The following TPCN1 variants were observed in gnomAD, a reference collection of about 807,000 sequenced individuals.
TPCN1 encodes the protein two pore segment channel 1.
In TPCN1, 52 loss-of-function variants were observed where a neutral mutation model predicts 108.8. The observed-to-expected ratio is 0.48, with a 90% confidence interval of 0.38 to 0.60. The LOEUF (loss-of-function observed/expected upper bound fraction) is 0.60, where lower values mean the gene tolerates loss of function less well. Ranked by LOEUF, TPCN1 falls within the 20% of genes least tolerant of loss-of-function variation. The pLI, the probability that TPCN1 is intolerant of heterozygous loss-of-function variation, is 0.00. For synonymous variants in TPCN1, 446 were observed against 433.7 expected (o/e 1.03, Z -0.35); for missense variants, 806 against 1,072.8 (o/e 0.75, Z 3.47).
chr12:113,278,639 T>C, intron 13 of TPCN1, 133 bp from the exon 14 acceptor site: 1 of 699,430 alleles, frequency 1.4e-6, no homozygotes, highest in Non-Finnish European at 2.5e-6. Context: ...TGTGTTGTCA[T>C]GTAGATCCCT....
Position 113,272,798 on chromosome 12 carries a change from C to T in TPCN1, c.783+106C>T, listed in dbSNP as rs911512559. 1 of 1,135,670 alleles carries T rather than the reference C, an allele frequency of 8.8e-7. No individual in the cohort carries two copies. The highest frequency in any genetic ancestry group is 1.3e-6 in the Non-Finnish European group (1 of 746,290). 70.3% of individuals were successfully genotyped at this position (1,135,670 alleles called of 1,614,324 possible). On this transcript the variant is annotated intron_variant, in intron 8 of 27. Coordinates refer to ENST00000335509, the MANE Select transcript of TPCN1 (RefSeq NM_017901.6). The surrounding 1 kb of genome is among the most constrained non-coding windows in gnomAD (Gnocchi z 4.1). ...GCCATATGGGGAAGGGGGGGCCTGC[C>T]TGGTTTCTCATCATAGCTTGTGTGT...
rs117555365 is a variant in TPCN1 at position 113,230,514 on chromosome 12, C to T, written c.112+3550C>T. 1.4e-4 allele frequency among the ~76,000 whole-genome samples: 22 copies of T among 152,182 alleles called. No individual in the cohort carries two copies. The East Asian group carries it at 3.5e-3, about 24-fold the overall frequency. On this transcript the variant is annotated intron_variant, in intron 2 of 27. Coordinates refer to ENST00000335509, the MANE Select transcript of TPCN1 (RefSeq NM_017901.6). Reference sequence around the variant, plus strand: ...TGGTTACCTTTTTGCTGTGTCCCCACGTGATTGTCCCTGAGTCTGTGTGTC... The same window carrying T: ...TGGTTACCTTTTTGCTGTGTCCCCATGTGATTGTCCCTGAGTCTGTGTGTC...
At chr12:113,251,757 A>C (rs1236654209) in intron 2 of TPCN1, among the ~76,000 whole-genome samples, 1 of 152,226 alleles carries the variant, frequency 6.6e-6, no homozygotes, top group Non-Finnish European at 1.5e-5. Flanking sequence ...ATCCTCTCCC[A>C]TTGTTCCAAG....
intron 10 of TPCN1, among the ~76,000 whole-genome samples, chr12:113,276,216 A>C (rs1384047770): frequency 6.6e-6 from 1 of 152,230 alleles, no homozygotes; most frequent in African/African-American, 2.4e-5. Flanking sequence ...ACAGGGAAAA[A>C]ATGGGGGACC....
At position 113,269,654 on chromosome 12, in the gene TPCN1, A is replaced by T; in HGVS notation, c.660-103A>T. On this transcript the variant is annotated intron_variant, in intron 6 of 27. Transcript: ENST00000335509. The surrounding 1 kb of genome is among the most constrained non-coding windows in gnomAD (Gnocchi z 5.0). Reference sequence around the variant, plus strand: ...GTCACACCAGAGTGCGTCAGGGTTTAGTATTTCGAGTCAGAAGCACTAGGC... The same window carrying T: ...GTCACACCAGAGTGCGTCAGGGTTTTGTATTTCGAGTCAGAAGCACTAGGC... 1.0e-6 allele frequency: 1 copy of T among 969,752 alleles called. No homozygotes were observed. Among genetic ancestry groups the T allele is most frequent in the Non-Finnish European group, 1.6e-6 (1 of 629,958 alleles). 60.1% of individuals were successfully genotyped at this position (969,752 alleles called of 1,614,324 possible).
chr12:113,287,938 C>T (rs1385716145), intron 19 of TPCN1, among the ~76,000 whole-genome samples: 3 of 152,076 alleles, frequency 2.0e-5, no homozygotes, highest in East Asian at 1.9e-4. Context: ...GTGGAAGGAC[C>T]CCGCCCAGCC....
In TPCN1 at chr12:113,289,208, G is replaced by A. The variant is rs566730642; in HGVS notation, c.1796+361G>A. 1.6e-4 allele frequency among the ~76,000 whole-genome samples: 24 copies of A among 152,330 alleles called. No individual in the cohort carries two copies. The highest frequency in any genetic ancestry group is 1.5e-3 in the South Asian group (7 of 4,826). ...AGACCAGTCTTCTAGGGACAGCATC[G>A]TAGGATAAGACAGACGGACACGTGC... On this transcript the variant is annotated intron_variant, in intron 21 of 27. Coordinates refer to ENST00000335509, the MANE Select transcript of TPCN1 (RefSeq NM_017901.6). The surrounding 1 kb of genome is among the most constrained non-coding windows in gnomAD (Gnocchi z 4.1).
At chr12:113,250,817 G>T (rs907684826) in intron 2 of TPCN1, among the ~76,000 whole-genome samples, 5 of 152,026 alleles carry the variant, frequency 3.3e-5, no homozygotes, top group African/African-American at 7.2e-5. Context: ...TTAGCCGGGT[G>T]TGTTGGTGCA....
intron 2 of TPCN1, among the ~76,000 whole-genome samples, chr12:113,251,587 G>T (rs974526189): frequency 1.3e-5 from 2 of 152,248 alleles, no homozygotes; most frequent in South Asian, 2.1e-4. Flanking sequence ...TGTCCCGTGG[G>T]GGGGCTCCAG....
rs1180677543 is a variant in TPCN1, at chr12:113,296,033, A to C, written c.2408A>C (p.Gln803Pro). Residue 803 changes from glutamine to proline, a missense_variant, in exon 28 of 28, where the codon CAG becomes CCG. By Grantham distance (76) the Gln-to-Pro change is moderately conservative. Transcript: ENST00000335509. ...AGCAGCAGTGCAGCCCCCGCCGCCC[A>C]GCAGCCCCCAGGCAGCCGCCAGCGC... ...QLSSSAAPAA[Q>P]QPPGSRQRSQ... 1 of 1,613,148 alleles carries C rather than the reference A, an allele frequency of 6.2e-7. No individual in the cohort carries two copies. The highest frequency in any genetic ancestry group is 1.3e-5 in the African/African-American group (1 of 74,920).
Position 113,260,462 on chromosome 12 carries a change from G to C in TPCN1, c.207G>C (p.Met69Ile), listed in dbSNP as rs544653674. 4.8e-5 allele frequency: 76 copies of C among 1,571,998 alleles called. No individual in the cohort carries two copies. The highest frequency in any genetic ancestry group is 6.3e-5 in the Non-Finnish European group (73 of 1,161,812). The stretch of plus-strand genomic sequence containing the variant: ...CCAGCCCCGCACACAACTGGGAGAT[G>C]AATTACCAAGAGGCAGCAATCTACC... ...SPSSPAHNWE[M>I]NYQEAAIYLQ... Residue 69 changes from methionine to isoleucine, a missense_variant, in exon 3 of 28, where the codon ATG (methionine) becomes ATC (isoleucine). Coordinates refer to ENST00000335509, the MANE Select transcript of TPCN1 (RefSeq NM_017901.6).
chr12:113,242,213 G>T (rs977100975), intron 2 of TPCN1, among the ~76,000 whole-genome samples: 2 of 152,236 alleles, frequency 1.3e-5, no homozygotes, highest in African/African-American at 4.8e-5. Flanking sequence ...TTTTGCCCAT[G>T]CAGAATGTTT....
At chr12:113,241,282 T>C (rs1270663269) in intron 2 of TPCN1, among the ~76,000 whole-genome samples, 10 of 152,234 alleles carry the variant, frequency 6.6e-5, no homozygotes, top group Non-Finnish European at 1.2e-4. Context: ...CAGCTGTCAC[T>C]TCCCCAATGT....
chr12:113,227,270 A>G (rs1953506796), intron 2 of TPCN1, among the ~76,000 whole-genome samples: 1 of 152,086 alleles, frequency 6.6e-6, no homozygotes, highest in South Asian at 2.1e-4. Flanking sequence ...ACCTCAGGCC[A>G]ACCTACTTTG....
intron 10 of TPCN1, among the ~76,000 whole-genome samples, 180 bp from the exon 11 acceptor site, chr12:113,276,739 C>T (rs995243848): frequency 1.3e-5 from 2 of 152,144 alleles, no homozygotes; most frequent in Non-Finnish European, 2.9e-5. Flanking sequence ...GGGCCTTCCT[C>T]TGTTGAGACT....
rs1364150147 is a variant in TPCN1 at position 113,293,148 on chromosome 12, A to G, written c.2253+75A>G. The G allele has an allele frequency of 6.9e-6, 11 of 1,599,796 alleles. No individual in the cohort carries two copies. In the Admixed American group the frequency reaches 1.5e-4, roughly 22 times the overall value. ...GGTGGCATAATCCCTTCCCTCAGAT[A>G]TTGGTAACATTTTGAGTGACACAGT... On this transcript the variant is annotated intron_variant, in intron 26 of 27. Transcript: ENST00000335509.
chr12:113,228,344 C>T (rs1808376204), intron 2 of TPCN1, among the ~76,000 whole-genome samples: 1 of 152,232 alleles, frequency 6.6e-6, no homozygotes, highest in African/African-American at 2.4e-5. Flanking sequence ...TGGTGGCCCC[C>T]ACCTTTAATC....
At chr12:113,228,943 CCTGG>C (rs1566133546) in intron 2 of TPCN1, among the ~76,000 whole-genome samples, 3 of 152,200 alleles carry the variant, frequency 2.0e-5, no homozygotes, top group Non-Finnish European at 2.9e-5. Context: ...AAATGGGAAT[CCTGG>C]CTGTCATCGT....
chr12:113,271,418 C>T (rs544091029), intron 7 of TPCN1, among the ~76,000 whole-genome samples: 9 of 152,194 alleles, frequency 5.9e-5, no homozygotes, highest in African/African-American at 2.2e-4. Flanking sequence ...TACCCCCTGT[C>T]CTACGCTTAT....
Sources: allele counts gnomAD v4.1 joint callset (sites outside exome capture counted in the v4.1 genomes callset), GRCh38; gene constraint gnomAD v4.1.1; non-coding constraint Gnocchi (gnomAD v3.1); transcripts MANE v1.5; gene names NCBI Gene and HGNC (gene_info 2026-07-23, HGNC 2026-07-21).